Variants in DDX23 observed in about 807,000 individuals in gnomAD.
DDX23 encodes the protein probable ATP-dependent RNA helicase DDX23.
In DDX23, 33 loss-of-function variants were observed where a neutral mutation model predicts 102.7. The ratio of observed to expected loss-of-function variants is 0.32; its 90% CI spans 0.24 to 0.43. The LOEUF (loss-of-function observed/expected upper bound fraction) is 0.43. Ranked by LOEUF, DDX23 falls within the 20% of genes least tolerant of loss-of-function variation. DDX23 has a pLI of 1.00. For synonymous variants in DDX23, 352 were observed against 376.0 expected (o/e 0.94, Z 0.74); for missense variants, 549 against 1,086.6 (o/e 0.51, Z 6.96).
At chr12:48,851,264 G>C (rs1341558270) in intron 1 of DDX23, among the ~76,000 whole-genome samples, 1 of 152,156 alleles carries the variant, frequency 6.6e-6, no homozygotes. Flanking sequence ...CTGAGCTCAG[G>C]AGTTCGAGAC....
Position 48,837,287 on chromosome 12 carries a change from T to C in DDX23, c.860A>G (p.Asn287Ser). ...CAGGCCTGAAGCCACTCACAGGGGG[T>C]TGTAGTCAATGGATGTGTCCTCAGA... is the stretch of plus-strand genomic sequence containing the variant. ...DASEDTSIDY[N>S]PLYKERHQVQ... The change falls in exon 8 of 17, where the codon AAC becomes AGC. Residue 287 changes from asparagine (N) to serine (S), a missense_variant. Transcript: ENST00000308025. The C allele has an allele frequency of 1.2e-6, 2 of 1,613,284 alleles. No homozygotes were observed. Among genetic ancestry groups the C allele is most frequent in the African/African-American group, 1.3e-5 (1 of 74,864 alleles).
intron 3 of DDX23, among the ~76,000 whole-genome samples, chr12:48,842,481 C>T (rs1592203339): frequency 1.4e-5 from 2 of 140,502 alleles, no homozygotes; most frequent in Non-Finnish European, 3.1e-5. Flanking sequence ...GCCAGCCACC[C>T]CGTCCGGGAG....
chr12:48,830,341 G>C lies in DDX23; in HGVS notation c.*128C>G. ...TCCTGACCTGAGGGTCTGGGCTAGG[G>C]AGTTGGATTGTTTTCCTAAGCCCCC... On this transcript the variant is annotated 3_prime_UTR_variant, in exon 17 of 17. Transcript: ENST00000308025. This position sits in a 1 kb window ranked among gnomAD's most constrained non-coding sequence, Gnocchi z 4.9. The C allele has an allele frequency of 8.9e-7, 1 of 1,127,476 alleles. No individual in the cohort carries two copies. Among genetic ancestry groups the C allele is most frequent in the Non-Finnish European group, 1.3e-6 (1 of 761,096 alleles). The allele number at this position is 1,127,476 out of a possible 1,614,324, so 69.8% of individuals were successfully genotyped here.
intron 15 of DDX23, 106 bp from the exon 16 acceptor site, chr12:48,831,422 G>C: frequency 9.3e-7 from 1 of 1,080,380 alleles, no homozygotes; most frequent in Non-Finnish European, 1.4e-6. Flanking sequence ...GAGAGCAGCA[G>C]AGTACGAGAA....
intron 3 of DDX23, among the ~76,000 whole-genome samples, chr12:48,843,601 T>G (rs1330180731): frequency 1.4e-5 from 2 of 144,622 alleles, no homozygotes; most frequent in African/African-American, 5.1e-5. Context: ...CAGGCTGGAG[T>G]GCAGTGGCGT....
At position 48,831,182 on chromosome 12, in the gene DDX23, C is replaced by T. The variant is rs747176369; in HGVS notation, c.2199G>A (p.Val733=). Residue 733 remains valine (V), a synonymous_variant, in exon 16 of 17, where the codon GTG becomes GTA. Coordinates refer to ENST00000308025, the MANE Select transcript of DDX23 (RefSeq NM_004818.3). ...CCATATCATAGTTGACAACCATAGACACATCTTGGATGTCAATACCACGAC... is the reference window on the plus strand; with the variant it reads ...CCATATCATAGTTGACAACCATAGATACATCTTGGATGTCAATACCACGAC... The part of the protein sequence containing the change: ...VAGRGIDIQD[V]SMVVNYDMAK... 4 of 1,614,242 alleles carry T rather than the reference C, an allele frequency of 2.5e-6. No individual in the cohort carries two copies. Among genetic ancestry groups the T allele is most frequent in the East Asian group, 4.5e-5 (2 of 44,890 alleles).
At position 48,830,353 on chromosome 12, in the gene DDX23, T is replaced by C. The variant is rs1250108682; in HGVS notation, c.*116A>G. ...GGTCTGGGCTAGGGAGTTGGATTGT[T>C]TTCCTAAGCCCCCATATCCCAAGAG... On this transcript the variant is annotated 3_prime_UTR_variant, in exon 17 of 17. Transcript: ENST00000308025. This position sits in a 1 kb window ranked among gnomAD's most constrained non-coding sequence, Gnocchi z 4.9. The C allele has an allele frequency of 2.4e-6, 3 of 1,273,328 alleles. No homozygotes were observed. Among genetic ancestry groups the C allele is most frequent in the South Asian group, 1.3e-5 (1 of 79,058 alleles). 78.9% of individuals were successfully genotyped at this position (1,273,328 alleles called of 1,614,324 possible). A position where few individuals can be genotyped will look rare whatever the true frequency, so the allele number is the denominator to read the frequency against.
chr12:48,843,235 A>G (rs1402616728), intron 3 of DDX23, among the ~76,000 whole-genome samples: 12 of 150,028 alleles, frequency 8.0e-5, no homozygotes, highest in Admixed American at 8.0e-4. Flanking sequence ...CCTTCCCTCC[A>G]CTATTGTCCT....
At chr12:48,835,273 C>A (rs1487029471) in intron 11 of DDX23, 1 of 171,758 alleles carries the variant, frequency 5.8e-6, no homozygotes, top group Non-Finnish European at 1.3e-5. Context: ...ATAATAAATA[C>A]ATAAAAATCA....
At position 48,832,307 on chromosome 12, in the gene DDX23, A is replaced by G; in HGVS notation, c.1955+115T>C. 1 of 1,553,772 alleles carries G rather than the reference A, an allele frequency of 6.4e-7. No individual in the cohort carries two copies. Among genetic ancestry groups the G allele is most frequent in the Admixed American group, 1.7e-5 (1 of 57,684 alleles). ...ATGCCCATGACATTCTGCCCAAGAAAACAGCAGCTCTTCAACACAGCAGAG... is the reference window on the plus strand; with the variant it reads ...ATGCCCATGACATTCTGCCCAAGAAGACAGCAGCTCTTCAACACAGCAGAG... On this transcript the variant is annotated intron_variant, in intron 14 of 16. Coordinates refer to ENST00000308025, the MANE Select transcript of DDX23 (RefSeq NM_004818.3). This position sits in a 1 kb window ranked among gnomAD's most constrained non-coding sequence, Gnocchi z 4.4.
At chr12:48,851,240 G>A (rs1332704446) in intron 1 of DDX23, among the ~76,000 whole-genome samples, 8 of 152,220 alleles carry the variant, frequency 5.3e-5, no homozygotes, top group Non-Finnish European at 1.2e-4. Flanking sequence ...AAGAGGCCGA[G>A]ACAGGTGGAT....
chr12:48,831,496 G>A (rs1938385778), intron 15 of DDX23, among the ~76,000 whole-genome samples, 180 bp from the exon 16 acceptor site: 1 of 152,178 alleles, frequency 6.6e-6, no homozygotes, highest in African/African-American at 2.4e-5. Context: ...TGAAGAGAGG[G>A]ATGAGAGAAA....
intron 3 of DDX23, among the ~76,000 whole-genome samples, chr12:48,840,550 ATTTT>A (rs747756955): frequency 2.0e-4 from 27 of 131,902 alleles, no homozygotes; most frequent in African/African-American, 6.4e-4. Context: ...TTAGAGAAAA[ATTTT>A]TTTTTTTTTT....
chr12:48,846,888 T>C (rs931182913), intron 1 of DDX23, among the ~76,000 whole-genome samples: 1 of 152,262 alleles, frequency 6.6e-6, no homozygotes, highest in African/African-American at 2.4e-5. Flanking sequence ...CAACTCTTCT[T>C]TGGGCTATGA....
Position 48,836,949 on chromosome 12 carries a change from A to G in DDX23, c.955T>C (p.Phe319Leu). The G allele has an allele frequency of 6.2e-7, 1 of 1,613,982 alleles. No individual in the cohort carries two copies. Among genetic ancestry groups the G allele is most frequent in the South Asian group, 1.1e-5 (1 of 91,084 alleles). Residue 319 changes from phenylalanine (F) to leucine (L), a missense_variant, in exon 9 of 17, where the codon TTC becomes CTC. By Grantham distance (22) the Phe-to-Leu change is conservative. Coordinates refer to ENST00000308025, the MANE Select transcript of DDX23 (RefSeq NM_004818.3). The surrounding 1 kb of genome is among the most constrained non-coding windows in gnomAD (Gnocchi z 6.1). ...LKQQKREQSR[F>L]YGDLMEKRRT... The stretch of plus-strand genomic sequence containing the variant: ...CTCTTCTCCATTAGGTCTCCATAGA[A>G]ACGTGACTGCTCTCGCTTCTGCTGC...
chr12:48,835,311 G>A (rs1051110044), intron 11 of DDX23: 5 of 157,980 alleles, frequency 3.2e-5, no homozygotes, highest in Non-Finnish European at 5.6e-5. Flanking sequence ...AGTGGTTCAC[G>A]CCTGTAATCC....
chr12:48,836,916 G>C lies in DDX23; in HGVS notation c.988C>G (p.Leu330Val). The change falls in exon 9 of 17, where the codon CTG (leucine) becomes GTG (valine). Residue 330 changes from leucine to valine, a missense_variant. By Grantham distance (32) the Leu-to-Val change is conservative. This residue lies in a region of DDX23 where 270 missense variants were observed against 707.0 expected (regional missense o/e 0.38). Transcript: ENST00000308025. This position sits in a 1 kb window ranked among gnomAD's most constrained non-coding sequence, Gnocchi z 6.1. ...CACTCCTCCTGCTCCTTTTCTTCCA[G>C]GGTTCGCCTCTTCTCCATTAGGTCT... is the stretch of plus-strand genomic sequence containing the variant. ...YGDLMEKRRT[L>V]EEKEQEEARL... 4 of 1,613,740 alleles carry C rather than the reference G, an allele frequency of 2.5e-6. No homozygotes were observed. Among genetic ancestry groups the C allele is most frequent in the Non-Finnish European group, 3.4e-6 (4 of 1,180,024 alleles).
intron 5 of DDX23, 34 bp from the exon 6 acceptor site, chr12:48,838,114 C>G (rs1268685877): frequency 6.2e-7 from 1 of 1,613,306 alleles, no homozygotes; most frequent in East Asian, 2.2e-5. Context: ...AACAAAGGAT[C>G]TGGGAGCAGG....
chr12:48,831,768 G>A, intron 15 of DDX23: 2 of 472,574 alleles, frequency 4.2e-6, no homozygotes, highest in South Asian at 5.5e-5. Flanking sequence ...TACCTAAGCA[G>A]TTTTCACCTA....
Sources: gnomAD v4.1 joint callset for allele counts (sites outside exome capture counted in the v4.1 genomes callset) on GRCh38, gnomAD v4.1.1 for gene constraint, gnomAD v4.1.1 regional missense constraint, Gnocchi (gnomAD v3.1) non-coding constraint, MANE v1.5 for transcripts, NCBI Gene and HGNC (gene_info 2026-07-23, HGNC 2026-07-21) for gene names.